Variants in RASGEF1C observed in about 807,000 individuals in gnomAD.
RASGEF1C encodes the protein RasGEF domain family member 1C.
In RASGEF1C, 27 loss-of-function variants were observed where a neutral mutation model predicts 58.1. That is an observed-to-expected ratio of 0.46 (90% CI 0.34 to 0.64). The LOEUF (loss-of-function observed/expected upper bound fraction) is 0.64, where lower values mean the gene tolerates loss of function less well. Among genes scored for constraint, RASGEF1C ranks in the 30% least tolerant of loss-of-function variants. The probability of loss-of-function intolerance (pLI) is 0.01; values close to 1 mark genes in which losing one functional copy is unlikely to be tolerated. For synonymous variants in RASGEF1C, 243 were observed against 246.3 expected (o/e 0.99, Z 0.13); for missense variants, 502 against 605.1 (o/e 0.83, Z 1.79).
intron 4 of RASGEF1C, among the ~76,000 whole-genome samples, chr5:180,136,139 C>A (rs1349305054): frequency 6.6e-6 from 1 of 152,212 alleles, no homozygotes; most frequent in Non-Finnish European, 1.5e-5. Flanking sequence ...AGGAATGGGT[C>A]CCCCCTCACC....
intron 10 of RASGEF1C, among the ~76,000 whole-genome samples, chr5:180,118,298 A>G (rs1481112909): frequency 6.6e-6 from 1 of 152,146 alleles, no homozygotes; most frequent in Non-Finnish European, 1.5e-5. Context: ...AGGAGAGGCC[A>G]TGGGGGCTCT....
intron 6 of RASGEF1C, among the ~76,000 whole-genome samples, chr5:180,122,656 G>A (rs1321038556): frequency 6.6e-5 from 10 of 150,860 alleles, no homozygotes; most frequent in African/African-American, 1.7e-4. Context: ...CAGGAGAATC[G>A]CTTGAACCCG....
At chr5:180,176,040 GAC>G (rs1254195299) in intron 1 of RASGEF1C, among the ~76,000 whole-genome samples, 1 of 152,228 alleles carries the variant, frequency 6.6e-6, no homozygotes, top group Non-Finnish European at 1.5e-5. Context: ...TAGAGACAGT[GAC>G]AATGCTGCAT....
rs1367202480 is a variant in RASGEF1C, at chr5:180,101,357, G to C, written c.*144C>G. On this transcript the variant is annotated 3_prime_UTR_variant, in exon 14 of 14. Transcript: ENST00000361132. ...TGTGCCCGTATGGCCACTGTGGGGG[G>C]GGGGGGGGCGGGCAGCAGGCCACAG... 23 of 890,624 alleles carry C rather than the reference G, an allele frequency of 2.6e-5. 1 individual carries two copies. Among genetic ancestry groups the C allele is most frequent in the African/African-American group, 2.3e-4 (14 of 59,816 alleles). 55.2% of individuals were successfully genotyped at this position (890,624 alleles called of 1,614,324 possible). A position where few individuals can be genotyped will look rare whatever the true frequency, so the allele number is the denominator to read the frequency against.
In RASGEF1C at chr5:180,178,250, C is replaced by A. The variant is rs145583153; in HGVS notation, c.-7+30778G>T. 7.3e-3 allele frequency among the ~76,000 whole-genome samples: 995 copies of A among 136,770 alleles called. 8 individuals carry two copies. Among genetic ancestry groups the A allele is most frequent in the Admixed American group, 0.012 (163 of 13,124 alleles). 89.7% of individuals were successfully genotyped at this position (136,770 alleles called of 152,430 possible). The stretch of plus-strand genomic sequence containing the variant: ...AGCCTCCCAAAGTGCTGGGATTACA[C>A]GTGTGAGCCACTGCACCCGGCTGGC... On this transcript the variant is annotated intron_variant, in intron 1 of 13. Transcript: ENST00000361132.
At chr5:180,202,166 A>G (rs1046224407) in intron 1 of RASGEF1C, among the ~76,000 whole-genome samples, 1 of 152,216 alleles carries the variant, frequency 6.6e-6, no homozygotes, top group Non-Finnish European at 1.5e-5. Flanking sequence ...GGGAGAACAG[A>G]TTTGACTAAA....
intron 4 of RASGEF1C, among the ~76,000 whole-genome samples, chr5:180,129,678 C>T (rs957805068): frequency 6.6e-6 from 1 of 152,198 alleles, no homozygotes; most frequent in African/African-American, 2.4e-5. Context: ...CGTTATTTCC[C>T]GAGGCCTCTG....
chr5:180,205,715 A>T (rs1420334680), intron 1 of RASGEF1C, among the ~76,000 whole-genome samples: 1 of 147,122 alleles, frequency 6.8e-6, no homozygotes, highest in African/African-American at 2.5e-5. Context: ...CATTATTATA[A>T]TATTATTATT....
At chr5:180,132,988 AGC>A (rs1362048687) in intron 4 of RASGEF1C, among the ~76,000 whole-genome samples, 18 of 148,444 alleles carry the variant, frequency 1.2e-4, no homozygotes, top group Non-Finnish European at 1.9e-4. Context: ...AAAAAAAAAA[AGC>A]AAGACCAGTC....
In RASGEF1C at chr5:180,155,374, G is replaced by A. The variant is rs528619543; in HGVS notation, c.-6-17316C>T. Reference sequence around the variant, plus strand: ...GCTCCCTGATGTCTGAAGGGACGCTGTGGGGGAACTGCAGCCTCCCTAGGC... The same window carrying A: ...GCTCCCTGATGTCTGAAGGGACGCTATGGGGGAACTGCAGCCTCCCTAGGC... On this transcript the variant is annotated intron_variant, in intron 1 of 13. Transcript: ENST00000361132. This position sits in a 1 kb window ranked among gnomAD's most constrained non-coding sequence, Gnocchi z 5.2. Among the ~76,000 whole-genome samples, 11 of 152,310 alleles carry A rather than the reference G, an allele frequency of 7.2e-5. No individual in the cohort carries two copies. The highest frequency in any genetic ancestry group is 5.2e-4 in the Admixed American group (8 of 15,304).
Position 180,137,832 on chromosome 5 carries a change from G to A in RASGEF1C, c.177+44C>T. 1 of 1,605,042 alleles carries A rather than the reference G, an allele frequency of 6.2e-7. No homozygotes were observed. ...CCAACCCTGATGCCCCCCGTGCGTG[G>A]TGGAGGAGAGCCCACTCTCCTGCCC... is the stretch of plus-strand genomic sequence containing the variant. On this transcript the variant is annotated intron_variant, in intron 2 of 13. Coordinates refer to ENST00000361132, the MANE Select transcript of RASGEF1C (RefSeq NM_175062.4). The surrounding 1 kb of genome is among the most constrained non-coding windows in gnomAD (Gnocchi z 4.1).
At chr5:180,138,985 C>T (rs1561740827) in intron 1 of RASGEF1C, among the ~76,000 whole-genome samples, 1 of 152,188 alleles carries the variant, frequency 6.6e-6, no homozygotes, top group Non-Finnish European at 1.5e-5. Context: ...TGCTTGTCAG[C>T]CTTGTTGGGT....
intron 1 of RASGEF1C, among the ~76,000 whole-genome samples, chr5:180,200,977 G>T (rs925516569): frequency 1.3e-5 from 2 of 152,124 alleles, no homozygotes; most frequent in Non-Finnish European, 2.9e-5. Context: ...AGGTGCTTGT[G>T]GTCTCAGCTA....
Position 180,177,984 on chromosome 5 carries a change from T to A in RASGEF1C, c.-7+31044A>T, listed in dbSNP as rs1488675403. On this transcript the variant is annotated intron_variant, in intron 1 of 13. Transcript: ENST00000361132. This position sits in a 1 kb window ranked among gnomAD's most constrained non-coding sequence, Gnocchi z 5.0. ...CTTGGGCTTTTTTTTTTTTTCTTTT[T>A]GAGGTGGAGTCTCGCTCTGTTGCCC... 6.6e-6 allele frequency among the ~76,000 whole-genome samples: 1 copy of A among 151,744 alleles called. No homozygotes were observed. Among genetic ancestry groups the A allele is most frequent in the East Asian group, 1.9e-4 (1 of 5,174 alleles).
chr5:180,154,650 AGCTCACTGCAAGCTCT>A (rs1205721228), intron 1 of RASGEF1C, among the ~76,000 whole-genome samples: 2 of 149,414 alleles, frequency 1.3e-5, no homozygotes, highest in South Asian at 4.2e-4. Flanking sequence ...GTGCAAACTC[AGCTCACTGCAAGCTCT>A]GCCTCCCAGG....
chr5:180,187,052 A>C (rs1756056695), intron 1 of RASGEF1C, among the ~76,000 whole-genome samples: 1 of 152,250 alleles, frequency 6.6e-6, no homozygotes, highest in South Asian at 2.1e-4. Flanking sequence ...GAAAAAGAAC[A>C]AAGTTGAAGG....
chr5:180,187,448 C>T (rs189936920), intron 1 of RASGEF1C, among the ~76,000 whole-genome samples: 6 of 151,976 alleles, frequency 3.9e-5, no homozygotes, highest in Admixed American at 3.9e-4. Context: ...CATCAAAGGA[C>T]ATTACAAAGA....
rs561744434 is a variant in RASGEF1C, at chr5:180,118,472, G to A, written c.1083+137C>T. On this transcript the variant is annotated intron_variant, in intron 10 of 13. Coordinates refer to ENST00000361132, the MANE Select transcript of RASGEF1C (RefSeq NM_175062.4). ...TTTTGGGAGGTGGTGAGTTCCCCAC[G>A]CTGGAGGCACGCAAGCAAGGAGACC... 132 of 773,252 alleles carry A rather than the reference G, an allele frequency of 1.7e-4. No individual in the cohort carries two copies. The East Asian group carries it at 3.2e-3, about 19-fold the overall frequency. 47.9% of individuals were successfully genotyped at this position (773,252 alleles called of 1,614,324 possible). A position where few individuals can be genotyped will look rare whatever the true frequency, so the allele number is the denominator to read the frequency against.
intron 6 of RASGEF1C, 92 bp downstream of exon 6, chr5:180,127,517 G>T: frequency 7.6e-7 from 1 of 1,310,178 alleles, no homozygotes; most frequent in Non-Finnish European, 1.0e-6. Flanking sequence ...GGCCACTCCA[G>T]CGCTCGCCCA....
Sources: gnomAD v4.1 joint callset for allele counts (sites outside exome capture counted in the v4.1 genomes callset) on GRCh38, gnomAD v4.1.1 for gene constraint, Gnocchi (gnomAD v3.1) non-coding constraint, MANE v1.5 for transcripts, NCBI Gene and HGNC (gene_info 2026-07-23, HGNC 2026-07-21) for gene names.